Variants in KCNIP4 observed in about 807,000 individuals in gnomAD.
KCNIP4 encodes the protein potassium voltage-gated channel interacting protein 4, also known as Kv channel-interacting protein 4.
KCNIP4 carries 12 observed loss-of-function variants against 34.0 expected under a neutral mutation model. The ratio of observed to expected loss-of-function variants is 0.35; its 90% CI spans 0.23 to 0.57. The LOEUF (loss-of-function observed/expected upper bound fraction) is 0.57, where lower values mean the gene tolerates loss of function less well. Ranked by LOEUF, KCNIP4 falls within the 20% of genes least tolerant of loss-of-function variation. The pLI, the probability that KCNIP4 is intolerant of heterozygous loss-of-function variation, is 0.83. For synonymous variants in KCNIP4, 124 were observed against 102.2 expected, an observed-to-expected ratio of 1.21 and a Z score of -1.29; for missense variants, 238 against 311.7, an observed-to-expected ratio of 0.76 and a Z score of 1.78.
At chr4:21,279,151 C>T (rs1169740965) in intron 1 of KCNIP4, among the ~76,000 whole-genome samples, 3 of 152,272 alleles carry the variant, frequency 2.0e-5, no homozygotes, top group Non-Finnish European at 4.4e-5. Context: ...CTTGCCATTA[C>T]TTTTAATGGC....
intron 1 of KCNIP4, among the ~76,000 whole-genome samples, chr4:21,225,566 C>T (rs1288223154): frequency 1.3e-5 from 2 of 152,134 alleles, no homozygotes; most frequent in South Asian, 2.1e-4. Context: ...ATTCTATAAT[C>T]GCTGGATTTT....
chr4:21,651,714 G>C (rs187625060), intron 1 of KCNIP4, among the ~76,000 whole-genome samples: 46 of 152,216 alleles, frequency 3.0e-4, no homozygotes, highest in African/African-American at 1.1e-3. Context: ...AATGAAAACA[G>C]GATGTCCTTA....
At chr4:21,013,225 G>A (rs191464983) in intron 1 of KCNIP4, among the ~76,000 whole-genome samples, 1 of 152,270 alleles carries the variant, frequency 6.6e-6, no homozygotes, top group East Asian at 1.9e-4. Flanking sequence ...ACCACTCTGA[G>A]ATGATATGAC....
chr4:21,309,229 GC>G (rs1260307049), intron 1 of KCNIP4, among the ~76,000 whole-genome samples: 3 of 152,160 alleles, frequency 2.0e-5, no homozygotes, highest in Admixed American at 6.5e-5. Context: ...GAGAAAGGGG[GC>G]GAACTTTCTC....
chr4:21,306,378 C>T (rs547251231), intron 1 of KCNIP4, among the ~76,000 whole-genome samples: 38 of 152,046 alleles, frequency 2.5e-4, no homozygotes, highest in African/African-American at 7.0e-4. Context: ...TTGTGACATT[C>T]TTTTTTTTGA....
intron 1 of KCNIP4, among the ~76,000 whole-genome samples, chr4:21,640,464 A>G (rs1746535414): frequency 1.3e-5 from 2 of 152,164 alleles, no homozygotes; most frequent in African/African-American, 2.4e-5. Context: ...CAGATCTTAA[A>G]TGACACATTC....
At chr4:20,837,425 T>C (rs1031445263) in intron 3 of KCNIP4, among the ~76,000 whole-genome samples, 1 of 152,022 alleles carries the variant, frequency 6.6e-6, no homozygotes, top group African/African-American at 2.4e-5. Context: ...CTTCTATTAA[T>C]GAACACATTT....
chr4:21,491,614 C>A (rs1009683500), intron 1 of KCNIP4, among the ~76,000 whole-genome samples: 5 of 152,120 alleles, frequency 3.3e-5, no homozygotes, highest in Non-Finnish European at 7.4e-5. Flanking sequence ...CTCAAGCAAT[C>A]CTCCTGCCTT....
intron 1 of KCNIP4, among the ~76,000 whole-genome samples, chr4:21,174,263 T>C (rs1255432902): frequency 1.3e-5 from 2 of 152,288 alleles, no homozygotes; most frequent in South Asian, 4.1e-4. Flanking sequence ...GCTGTAGGCT[T>C]TATGAAACTT....
In KCNIP4 at chr4:21,948,695, G is replaced by A. The variant is rs1730642009; in HGVS notation, c.-64C>T. The A allele has an allele frequency of 6.5e-7, 1 of 1,538,868 alleles. No individual in the cohort carries two copies. The highest frequency in any genetic ancestry group is 8.8e-7 in the Non-Finnish European group (1 of 1,135,884). ...CCACCGGCCAGGGGCGTCTGTCCAC[G>A]GGTCTGCACGGGAGCGCACCGCCGC... On this transcript the variant is annotated 5_prime_UTR_variant, in exon 1 of 9. Coordinates refer to ENST00000382152, the MANE Select transcript of KCNIP4 (RefSeq NM_025221.6).
At chr4:21,105,730 G>GT (rs1560725709) in intron 1 of KCNIP4, among the ~76,000 whole-genome samples, 1 of 151,492 alleles carries the variant, frequency 6.6e-6, no homozygotes, top group Non-Finnish European at 1.5e-5. Flanking sequence ...TTGGCTGTGG[G>GT]TTTGTCATAG....
chr4:21,098,881 T>C (rs767925352), intron 1 of KCNIP4, among the ~76,000 whole-genome samples: 3 of 152,172 alleles, frequency 2.0e-5, no homozygotes, highest in Non-Finnish European at 4.4e-5. Context: ...TCAACATCAC[T>C]GATCATTAGA....
At chr4:21,687,532 A>G (rs1202552224) in intron 1 of KCNIP4, among the ~76,000 whole-genome samples, 1 of 152,328 alleles carries the variant, frequency 6.6e-6, no homozygotes, top group East Asian at 1.9e-4. Context: ...CAAAAAACCC[A>G]TAATTATTTT....
At chr4:20,945,264 G>A (rs1732073304) in intron 1 of KCNIP4, among the ~76,000 whole-genome samples, 1 of 152,166 alleles carries the variant, frequency 6.6e-6, no homozygotes, top group Admixed American at 6.5e-5. Flanking sequence ...GCAAAGTACT[G>A]GTTTGGAGGT....
chr4:21,520,547 A>G (rs1040177074), intron 1 of KCNIP4, among the ~76,000 whole-genome samples: 1 of 152,172 alleles, frequency 6.6e-6, no homozygotes. Flanking sequence ...GTTAAAATTC[A>G]CAGAAGCGTT....
At chr4:21,718,284 A>T (rs1022714508) in intron 1 of KCNIP4, among the ~76,000 whole-genome samples, 1 of 152,228 alleles carries the variant, frequency 6.6e-6, no homozygotes, top group Non-Finnish European at 1.5e-5. Context: ...TGCAAAACAC[A>T]GTTATGTGAA....
At chr4:20,825,707 C>T (rs549095362) in intron 3 of KCNIP4, among the ~76,000 whole-genome samples, 1 of 152,242 alleles carries the variant, frequency 6.6e-6, no homozygotes, top group South Asian at 2.1e-4. Context: ...GATTTATTAC[C>T]AGAGGTGGGA....
intron 1 of KCNIP4, among the ~76,000 whole-genome samples, chr4:21,287,601 AG>A (rs1763198185): frequency 6.6e-6 from 1 of 152,288 alleles, no homozygotes; most frequent in Admixed American, 6.5e-5. Flanking sequence ...ACGTCTCAAA[AG>A]TCCTACTAGT....
chr4:21,844,532 T>C (rs1485417435), intron 1 of KCNIP4: 1 of 152,086 alleles, frequency 6.6e-6, no homozygotes, highest in Non-Finnish European at 1.5e-5. Flanking sequence ...AGAACTGCAA[T>C]TTCTAGATTG....
Sources: allele counts gnomAD v4.1 joint callset (sites outside exome capture counted in the v4.1 genomes callset), GRCh38; gene constraint gnomAD v4.1.1; transcripts MANE v1.5; gene names NCBI Gene and HGNC (gene_info 2026-07-23, HGNC 2026-07-21).